The following CAPN7 variants were observed in gnomAD, a reference collection of about 807,000 sequenced individuals.
CAPN7 encodes the protein calpain 7.
A neutral mutation model predicts 115.2 loss-of-function variants in CAPN7; 72 were observed. The observed-to-expected ratio is 0.63, with a 90% CI of 0.52 to 0.76. CAPN7 has a LOEUF of 0.76. Ranked by LOEUF, CAPN7 falls within the 30% of genes least tolerant of loss-of-function variation. CAPN7 has a pLI of 0.00. For missense variants in CAPN7, 905 were observed against 971.5 expected, an observed-to-expected ratio of 0.93 and a Z score of 0.91; for synonymous variants, 344 against 322.3, an observed-to-expected ratio of 1.07 and a Z score of -0.72.
chr3:15,237,053 TA>T (rs1695033746), intron 12 of CAPN7, among the ~76,000 whole-genome samples: 1 of 152,244 alleles, frequency 6.6e-6, no homozygotes, highest in Non-Finnish European at 1.5e-5. Flanking sequence ...AGTGATATGT[TA>T]TTAATAAGTT....
rs151082174 is a variant in CAPN7 at position 15,209,200 on chromosome 3, G to T, written c.102+2603G>T. 7.2e-3 allele frequency among the ~76,000 whole-genome samples: 1,094 copies of T among 152,120 alleles called. 12 individuals are homozygous for T. Among genetic ancestry groups the T allele is most frequent in the African/African-American group, 0.023 (963 of 41,484 alleles). On this transcript the variant is annotated intron_variant, in intron 1 of 20. Coordinates refer to ENST00000253693, the MANE Select transcript of CAPN7 (RefSeq NM_014296.3). ...TAATTTTGTATTTTTAGTAGAGACC[G>T]GGTTTCTCCATGTTGGTCAGGCTGG...
chr3:15,228,886 A>G, intron 7 of CAPN7, 88 bp from the exon 8 acceptor site: 1 of 933,804 alleles, frequency 1.1e-6, no homozygotes, highest in East Asian at 2.5e-5. Flanking sequence ...TAGTATAAAA[A>G]GTAGGTACTT....
At chr3:15,231,513 A>G (rs1345657115) in intron 9 of CAPN7, among the ~76,000 whole-genome samples, 1 of 151,848 alleles carries the variant, frequency 6.6e-6, no homozygotes, top group Non-Finnish European at 1.5e-5. Context: ...CAAAATTCTT[A>G]TCCTCATATC....
intron 1 of CAPN7, among the ~76,000 whole-genome samples, chr3:15,211,542 T>G (rs2124868197): frequency 6.6e-6 from 1 of 151,922 alleles, no homozygotes; most frequent in East Asian, 1.9e-4. Context: ...TGTTTGGGCG[T>G]GTCCTGTGGC....
chr3:15,228,808 C>T (rs1004137067), intron 7 of CAPN7, among the ~76,000 whole-genome samples, 166 bp from the exon 8 acceptor site: 3 of 152,238 alleles, frequency 2.0e-5, no homozygotes, highest in East Asian at 3.9e-4. Flanking sequence ...ACCTGTGACA[C>T]GAGTTCACCT....
In CAPN7 at chr3:15,252,805, T is replaced by C. The variant is rs571013619; in HGVS notation, c.*1545T>C. 1 of 129,808 alleles carries C rather than the reference T, an allele frequency of 7.7e-6. No individual in the cohort carries two copies. Among genetic ancestry groups the C allele is most frequent in the Non-Finnish European group, 1.5e-5 (1 of 67,836 alleles). 8.0% of individuals were successfully genotyped at this position (129,808 alleles called of 1,614,324 possible). A position where few individuals can be genotyped will look rare whatever the true frequency, so the allele number is the denominator to read the frequency against. On this transcript the variant is annotated 3_prime_UTR_variant, in exon 21 of 21. Transcript: ENST00000253693. Reference sequence around the variant, plus strand: ...AGAATTGATACTTTAACTTGGACCTTGAAGGTAAAGCTTCAAAAGACAGGT... The same window carrying C: ...AGAATTGATACTTTAACTTGGACCTCGAAGGTAAAGCTTCAAAAGACAGGT...
Position 15,238,108 on chromosome 3 carries a change from C to CTTTTTTTT in CAPN7, c.1408-2347_1408-2340dup, listed in dbSNP as rs34203410. ...TGAAGTGTTTATTTAATTCTGACTTCTTTTTTTTTTTTTTTTTTTTTTTTT... is the reference window on the plus strand; with the variant it reads ...TGAAGTGTTTATTTAATTCTGACTTCTTTTTTTTTTTTTTTTTTTTTTTTTTTTTTTTT... On this transcript the variant is annotated intron_variant, in intron 12 of 20. Transcript: ENST00000253693. Among the ~76,000 whole-genome samples, 27 of 58,206 alleles carry CTTTTTTTT rather than the reference C, an allele frequency of 4.6e-4. 1 individual carries two copies. The highest frequency in any genetic ancestry group is 0.016 in the Middle Eastern group (1 of 62). The allele number at this position is 58,206 out of a possible 152,430, so 38.2% of individuals were successfully genotyped here.
At chr3:15,217,285 A>T in intron 2 of CAPN7, 140 bp from the exon 3 acceptor site, 2 of 709,688 alleles carry the variant, frequency 2.8e-6, no homozygotes, top group Non-Finnish European at 4.1e-6. Context: ...GTCCTTTTTT[A>T]AGGATTTTTT....
intron 19 of CAPN7, among the ~76,000 whole-genome samples, chr3:15,250,401 G>A (rs2125021749): frequency 6.6e-6 from 1 of 152,128 alleles, no homozygotes; most frequent in South Asian, 2.1e-4. Flanking sequence ...GGGCGCAGTG[G>A]CTCACACCTG....
chr3:15,232,752 T>G, intron 10 of CAPN7, 87 bp downstream of exon 10: 1 of 1,170,218 alleles, frequency 8.5e-7, no homozygotes, highest in South Asian at 1.8e-5. Flanking sequence ...ATAGTCTTTT[T>G]GTTTATAGGG....
intron 12 of CAPN7, 108 bp from the exon 13 acceptor site, chr3:15,240,365 T>G: frequency 9.9e-7 from 1 of 1,005,320 alleles, no homozygotes; most frequent in Non-Finnish European, 1.5e-6. Context: ...CAAGTTGATT[T>G]GAGGGGAAAA....
At chr3:15,217,247 A>G (rs527327768) in intron 2 of CAPN7, among the ~76,000 whole-genome samples, 178 bp from the exon 3 acceptor site, 2 of 141,524 alleles carry the variant, frequency 1.4e-5, no homozygotes, top group Non-Finnish European at 3.1e-5. Context: ...GAGCCTGTCT[A>G]AAAAAAAAAA....
chr3:15,240,189 A>G (rs1031055516), intron 12 of CAPN7, among the ~76,000 whole-genome samples: 1 of 152,228 alleles, frequency 6.6e-6, no homozygotes, highest in Non-Finnish European at 1.5e-5. Context: ...GTCATTTAAC[A>G]TTTGAAATGT....
intron 17 of CAPN7, 29 bp downstream of exon 17, chr3:15,245,700 A>G (rs1429141985): frequency 2.5e-5 from 40 of 1,599,576 alleles, no homozygotes; most frequent in Non-Finnish European, 3.2e-5. Context: ...CAATGACAAA[A>G]CACAGTAATA....
chr3:15,218,088 G>C (rs188791962), intron 3 of CAPN7, among the ~76,000 whole-genome samples: 233 of 152,298 alleles, frequency 1.5e-3, no homozygotes, highest in African/African-American at 5.4e-3. Flanking sequence ...AGTTGAGACT[G>C]GTATCCCCAT....
intron 2 of CAPN7, among the ~76,000 whole-genome samples, chr3:15,214,336 A>T (rs2045123359): frequency 6.6e-6 from 1 of 152,216 alleles, no homozygotes; most frequent in Non-Finnish European, 1.5e-5. Context: ...CCTGTTAGGA[A>T]CCCTAAGTTT....
rs1049048730 is a variant in CAPN7, at chr3:15,238,830, G to T, written c.1408-1643G>T. On this transcript the variant is annotated intron_variant, in intron 12 of 20. Transcript: ENST00000253693. ...TACTTGGAAATAACTTTAGAAATTG[G>T]ATGCTTCAGCAAAATCAAATTTTTT... Among the ~76,000 whole-genome samples the T allele has an allele frequency of 4.0e-5, 6 of 149,406 alleles. No individual in the cohort carries two copies. In the East Asian group the frequency reaches 1.2e-3, roughly 29 times the overall value.
chr3:15,217,893 T>A (rs991536880), intron 3 of CAPN7, among the ~76,000 whole-genome samples: 1 of 152,212 alleles, frequency 6.6e-6, no homozygotes, highest in African/African-American at 2.4e-5. Flanking sequence ...AACTTCCCCT[T>A]TTTTCAGTTT....
intron 12 of CAPN7, among the ~76,000 whole-genome samples, chr3:15,236,656 A>G (rs912870734): frequency 1.3e-5 from 2 of 152,262 alleles, no homozygotes; most frequent in African/African-American, 4.8e-5. Context: ...GGTACAGCCT[A>G]CTATACACCC....
Sources: allele counts gnomAD v4.1 joint callset (sites outside exome capture counted in the v4.1 genomes callset), GRCh38; gene constraint gnomAD v4.1.1; transcripts MANE v1.5; gene names NCBI Gene and HGNC (gene_info 2026-07-23, HGNC 2026-07-21).